STXBP5L: variants seen among roughly 807,000 people sequenced by gnomAD.
STXBP5L encodes the protein syntaxin-binding protein 5-like.
In STXBP5L, 65 loss-of-function variants were observed where a neutral mutation model predicts 144.5. That is an observed-to-expected ratio of 0.45 (90% CI 0.37 to 0.55). The LOEUF is 0.55. Ranked by LOEUF, STXBP5L falls within the 20% of genes least tolerant of loss-of-function variation. The pLI is 0.00. For missense variants in STXBP5L, 1,298 were observed against 1,405.5 expected, an observed-to-expected ratio of 0.92 and a Z score of 1.22; for synonymous variants, 505 against 469.6, an observed-to-expected ratio of 1.08 and a Z score of -0.97.
intron 19 of STXBP5L, among the ~76,000 whole-genome samples, chr3:121,286,399 T>G (rs1215333729): frequency 6.6e-6 from 1 of 152,142 alleles, no homozygotes; most frequent in East Asian, 1.9e-4. Flanking sequence ...AAACAATAAA[T>G]GGGGAAAACA....
intron 4 of STXBP5L, 91 bp downstream of exon 4, chr3:121,041,872 A>G (rs1947181875): frequency 1.2e-6 from 1 of 819,722 alleles, no homozygotes. Context: ...GTGATTCTAA[A>G]TGCTTAAATA....
intron 20 of STXBP5L, among the ~76,000 whole-genome samples, chr3:121,321,992 C>A (rs995472791): frequency 1.3e-5 from 2 of 152,190 alleles, no homozygotes; most frequent in Non-Finnish European, 2.9e-5. Flanking sequence ...TTTACCAACC[C>A]TACTCTTGTC....
chr3:121,195,014 C>G (rs950545219), intron 9 of STXBP5L, among the ~76,000 whole-genome samples: 2 of 144,544 alleles, frequency 1.4e-5, no homozygotes, highest in African/African-American at 5.1e-5. Flanking sequence ...CTCCTACGTT[C>G]AAGTGATTCT....
intron 9 of STXBP5L, among the ~76,000 whole-genome samples, chr3:121,193,377 G>A (rs889433098): frequency 1.5e-5 from 2 of 136,014 alleles, no homozygotes; most frequent in East Asian, 3.3e-4. Flanking sequence ...GTTAGTGGGA[G>A]TTTAAATTAG....
rs751647083 is a variant in STXBP5L at position 121,121,680 on chromosome 3, C to T, written c.645C>T (p.Ser215=). 8.1e-6 allele frequency: 13 copies of T among 1,602,416 alleles called. No homozygotes were observed. The highest frequency in any genetic ancestry group is 5.4e-5 in the African/African-American group (4 of 74,572). Residue 215 remains serine (S), a synonymous_variant, in exon 7 of 27, where the codon AGC becomes AGT. Transcript: ENST00000471454. ...ATCCAGGTCCAGTTGTACATTTAAGCGATAGCCCAAGAGATGAAGGCAAAG... is the reference window on the plus strand; with the variant it reads ...ATCCAGGTCCAGTTGTACATTTAAGTGATAGCCCAAGAGATGAAGGCAAAG... ...KTHPGPVVHL[S]DSPRDEGKLL...
chr3:121,403,160 G>A (rs1353507284), intron 22 of STXBP5L, among the ~76,000 whole-genome samples: 2 of 151,978 alleles, frequency 1.3e-5, no homozygotes, highest in Non-Finnish European at 2.9e-5. Flanking sequence ...GTATCTTCAT[G>A]GCCTGCATAT....
chr3:121,328,555 C>T (rs910692361), intron 20 of STXBP5L, among the ~76,000 whole-genome samples: 7 of 152,028 alleles, frequency 4.6e-5, no homozygotes, highest in African/African-American at 1.7e-4. Flanking sequence ...TCGAGACCAG[C>T]CTGACCAACA....
intron 10 of STXBP5L, among the ~76,000 whole-genome samples, chr3:121,216,221 T>C (rs924005290): frequency 6.6e-6 from 1 of 152,128 alleles, no homozygotes; most frequent in Non-Finnish European, 1.5e-5. Flanking sequence ...CTCCATCCAG[T>C]TTTGTTCCCT....
At chr3:121,366,379 A>G (rs538286222) in intron 20 of STXBP5L, among the ~76,000 whole-genome samples, 2 of 151,804 alleles carry the variant, frequency 1.3e-5, no homozygotes, top group South Asian at 4.2e-4. Flanking sequence ...AGAACTGTAT[A>G]TTTCTATTTT....
At chr3:121,138,733 T>C in intron 7 of STXBP5L, among the ~76,000 whole-genome samples, 1 of 152,044 alleles carries the variant, frequency 6.6e-6, no homozygotes, top group Non-Finnish European at 1.5e-5. Context: ...GAGACACTCT[T>C]TTCTCACTAT....
chr3:121,250,844 A>G, intron 15 of STXBP5L, 81 bp downstream of exon 15: 2 of 1,259,918 alleles, frequency 1.6e-6, no homozygotes, highest in Non-Finnish European at 2.2e-6. Context: ...AGTTTGGGCA[A>G]TTAAAATTTC....
intron 18 of STXBP5L, 112 bp downstream of exon 18, chr3:121,259,280 A>T: frequency 1.3e-6 from 1 of 786,534 alleles, no homozygotes; most frequent in Non-Finnish European, 1.8e-6. Flanking sequence ...CTGGATTTTT[A>T]TTAGATTAAA....
At chr3:121,399,316 T>C (rs1457340468) in intron 22 of STXBP5L, among the ~76,000 whole-genome samples, 1 of 152,118 alleles carries the variant, frequency 6.6e-6, no homozygotes, top group East Asian at 1.9e-4. Context: ...TCTCCAACCA[T>C]TGCTCCAGTG....
intron 9 of STXBP5L, among the ~76,000 whole-genome samples, chr3:121,189,046 T>A (rs1381698909): frequency 1.3e-5 from 2 of 152,226 alleles, no homozygotes; most frequent in Non-Finnish European, 2.9e-5. Flanking sequence ...ACATGAATTT[T>A]ATACTTAGAA....
chr3:121,291,525 C>A (rs1007998963), intron 19 of STXBP5L, among the ~76,000 whole-genome samples: 2 of 152,038 alleles, frequency 1.3e-5, no homozygotes, highest in African/African-American at 4.8e-5. Flanking sequence ...AAAATACCAT[C>A]ATTATTCTTC....
At chr3:121,093,955 G>T (rs891105928) in intron 5 of STXBP5L, among the ~76,000 whole-genome samples, 1 of 152,056 alleles carries the variant, frequency 6.6e-6, no homozygotes, top group Non-Finnish European at 1.5e-5. Flanking sequence ...GTGTCCCGGA[G>T]ATTCTGGTAC....
intron 3 of STXBP5L, among the ~76,000 whole-genome samples, chr3:121,001,674 G>T (rs1219749719): frequency 6.6e-6 from 1 of 152,150 alleles, no homozygotes; most frequent in African/African-American, 2.4e-5. Context: ...TCTTTCTCCA[G>T]GAGCTTCGTG....
chr3:121,349,088 G>A (rs995451464), intron 20 of STXBP5L, among the ~76,000 whole-genome samples: 6 of 151,986 alleles, frequency 3.9e-5, no homozygotes, highest in East Asian at 1.9e-4. Flanking sequence ...TTCTCTTGTG[G>A]GCATTTAGTG....
chr3:120,929,083 G>A (rs917401149), intron 2 of STXBP5L, among the ~76,000 whole-genome samples: 1 of 152,130 alleles, frequency 6.6e-6, no homozygotes, highest in African/African-American at 2.4e-5. Flanking sequence ...GTGTACAAGG[G>A]AGGCATTCTA....
Sources: allele counts gnomAD v4.1 joint callset (sites outside exome capture counted in the v4.1 genomes callset), GRCh38; gene constraint gnomAD v4.1.1; transcripts MANE v1.5; gene names NCBI Gene and HGNC (gene_info 2026-07-23, HGNC 2026-07-21).